Variants in RPIA observed in about 807,000 individuals in gnomAD.
RPIA encodes the protein ribose-5-phosphate isomerase.
RPIA carries 29 observed loss-of-function variants against 37.8 expected under a neutral mutation model. That is an observed-to-expected ratio of 0.77 (90% CI 0.57 to 1.05). RPIA has a LOEUF of 1.05. Ranked by LOEUF, RPIA falls within the 50% of genes least tolerant of loss-of-function variation. The pLI, the probability that RPIA is intolerant of heterozygous loss-of-function variation, is 0.00. For synonymous variants in RPIA, 167 were observed against 157.0 expected (o/e 1.06, Z -0.48); for missense variants, 385 against 413.6 (o/e 0.93, Z 0.60).
At chr2:88,744,183 A>G (rs932565411) in intron 8 of RPIA, among the ~76,000 whole-genome samples, 1 of 152,194 alleles carries the variant, frequency 6.6e-6, no homozygotes, top group Non-Finnish European at 1.5e-5. Flanking sequence ...GCTGTATCCC[A>G]GAGGTTTTGA....
chr2:88,728,078 C>A (rs1673220048), intron 3 of RPIA, among the ~76,000 whole-genome samples: 1 of 152,160 alleles, frequency 6.6e-6, no homozygotes, highest in Admixed American at 6.5e-5. Context: ...AATATCATTT[C>A]ATTGTATATA....
At chr2:88,692,328 G>A (rs1033296313) in intron 1 of RPIA, among the ~76,000 whole-genome samples, 5 of 152,306 alleles carry the variant, frequency 3.3e-5, no homozygotes, top group Admixed American at 1.3e-4. Flanking sequence ...AATGGAAAAT[G>A]GTGGGCTTTG....
chr2:88,737,387 TA>T (rs1022683834), intron 7 of RPIA, among the ~76,000 whole-genome samples: 2 of 151,626 alleles, frequency 1.3e-5, no homozygotes, highest in Admixed American at 6.6e-5. Flanking sequence ...CTGTGACTTT[TA>T]AAAAAAAACC....
chr2:88,741,077 A>G (rs1673376319), intron 8 of RPIA, among the ~76,000 whole-genome samples: 1 of 151,922 alleles, frequency 6.6e-6, no homozygotes. Context: ...AAATTATTTC[A>G]ATAGTTGTTG....
intron 3 of RPIA, among the ~76,000 whole-genome samples, chr2:88,703,242 A>C (rs1443513887): frequency 6.6e-6 from 1 of 152,214 alleles, no homozygotes; most frequent in Admixed American, 6.5e-5. Flanking sequence ...TCTGGAGGAC[A>C]GTGGCCCTTT....
intron 3 of RPIA, 66 bp from the exon 4 acceptor site, chr2:88,729,212 A>C (rs1558697559): frequency 1.0e-5 from 16 of 1,541,934 alleles, no homozygotes; most frequent in Non-Finnish European, 1.4e-5. Context: ...AATCCAGAAG[A>C]ATTCTGAGAA....
chr2:88,704,400 A>G (rs891826832), intron 3 of RPIA, among the ~76,000 whole-genome samples: 4 of 152,226 alleles, frequency 2.6e-5, no homozygotes, highest in Non-Finnish European at 5.9e-5. Context: ...AGCAAGTCCC[A>G]TCTTACATGG....
At chr2:88,717,390 T>C (rs1273690936) in intron 3 of RPIA, among the ~76,000 whole-genome samples, 3 of 152,142 alleles carry the variant, frequency 2.0e-5, no homozygotes, top group Non-Finnish European at 4.4e-5. Context: ...AGTCAACATA[T>C]GCAAGATGAA....
intron 8 of RPIA, among the ~76,000 whole-genome samples, chr2:88,741,795 G>C (rs1673386381): frequency 6.6e-6 from 1 of 152,086 alleles, no homozygotes; most frequent in Admixed American, 6.5e-5. Flanking sequence ...GTTTTGATTT[G>C]CATTTCCCTG....
rs748446592 is a variant in RPIA at position 88,738,029 on chromosome 2, G to A, written c.791G>A (p.Arg264Gln). 13 of 1,613,862 alleles carry A rather than the reference G, an allele frequency of 8.1e-6. No individual in the cohort carries two copies. In the East Asian group the frequency reaches 8.9e-5, roughly 11 times the overall value. The change falls in exon 8 of 9, where the codon CGG (arginine) becomes CAG (glutamine). Residue 264 changes from arginine to glutamine, a missense_variant. Transcript: ENST00000283646. Reference sequence around the variant, plus strand: ...TTTATCTTGGACTGGAAGTTTGACCGGGTACACAAATGGAGTGAAGTGAAT... The same window carrying A: ...TTTATCTTGGACTGGAAGTTTGACCAGGTACACAAATGGAGTGAAGTGAAT... Reference protein sequence around the residue: ...GNFILDWKFDRVHKWSEVNTA... With the variant: ...GNFILDWKFDQVHKWSEVNTA...
intron 3 of RPIA, among the ~76,000 whole-genome samples, chr2:88,721,571 ACC>A (rs1156741297): frequency 0.14 from 3,172 of 22,956 alleles, 115 homozygotes; most frequent in Non-Finnish European, 0.16. Context: ...ACACACACAC[ACC>A]CCCCCCCCCA....
intron 3 of RPIA, among the ~76,000 whole-genome samples, chr2:88,728,200 T>G (rs1673221867): frequency 6.6e-6 from 1 of 152,206 alleles, no homozygotes; most frequent in Non-Finnish European, 1.5e-5. Flanking sequence ...AATCTGGGGT[T>G]CAAAGTTTTT....
In RPIA at chr2:88,691,911, C is replaced by T. The variant is rs1249764156; in HGVS notation, c.213C>T (p.Ala71=). The T allele has an allele frequency of 1.3e-6, 2 of 1,594,942 alleles. No individual in the cohort carries two copies. Among genetic ancestry groups the T allele is most frequent in the East Asian group, 2.3e-5 (1 of 44,140 alleles). Residue 71 remains alanine, a synonymous_variant, in exon 1 of 9, where the codon GCC becomes GCT. Transcript: ENST00000283646. ...SCGDSNSICP[A]PSTMSKAEEA... ...GGGACTCCAACAGCATCTGCCCGGC[C>T]CCCTCCACGATGTCCAAGGCCGAGG...
chr2:88,748,667 T>C (rs1369963854), intron 8 of RPIA, among the ~76,000 whole-genome samples: 1 of 152,200 alleles, frequency 6.6e-6, no homozygotes, highest in Non-Finnish European at 1.5e-5. Context: ...CATCTGTATG[T>C]GTGTGAAAAA....
intron 8 of RPIA, 61 bp downstream of exon 8, chr2:88,738,137 C>T (rs1673338160): frequency 8.4e-7 from 1 of 1,183,600 alleles, no homozygotes; most frequent in African/African-American, 1.5e-5. Flanking sequence ...CTGGCCCCTA[C>T]ATCTGGCCAC....
intron 3 of RPIA, among the ~76,000 whole-genome samples, chr2:88,718,408 A>C (rs964773380): frequency 3.9e-4 from 59 of 152,174 alleles, no homozygotes; most frequent in African/African-American, 1.4e-3. Context: ...GGAATCTCAG[A>C]TAAGACTCCT....
At chr2:88,748,557 G>A (rs1453181593) in intron 8 of RPIA, among the ~76,000 whole-genome samples, 1 of 152,124 alleles carries the variant, frequency 6.6e-6, no homozygotes, top group Non-Finnish European at 1.5e-5. Context: ...TTCTCTTACA[G>A]TTAAAGTGTT....
chr2:88,729,425 T>C (rs2104125598), intron 4 of RPIA, 88 bp downstream of exon 4: 2 of 1,287,918 alleles, frequency 1.6e-6, no homozygotes, highest in East Asian at 4.7e-5. Flanking sequence ...AGATATCTTG[T>C]AAAATCTAGG....
chr2:88,693,554 T>C (rs1019753134), intron 1 of RPIA, among the ~76,000 whole-genome samples: 2 of 152,244 alleles, frequency 1.3e-5, no homozygotes, highest in South Asian at 4.1e-4. Context: ...ATGTTGTATC[T>C]CATGTTTTGG....
Sources: allele counts gnomAD v4.1 joint callset (sites outside exome capture counted in the v4.1 genomes callset), GRCh38; gene constraint gnomAD v4.1.1; transcripts MANE v1.5; gene names NCBI Gene and HGNC (gene_info 2026-07-23, HGNC 2026-07-21).